The following RELCH variants were observed in gnomAD, a reference collection of about 807,000 sequenced individuals.
RELCH encodes RAB11-binding protein RELCH.
Under a neutral mutation model 150.3 loss-of-function variants are expected in RELCH, and 41 were observed. The observed-to-expected ratio is 0.27, with a 90% CI of 0.21 to 0.35. RELCH has a LOEUF of 0.35. Ranked by LOEUF, RELCH falls within the 10% of genes least tolerant of loss-of-function variation. The pLI is 1.00. For missense variants in RELCH, 1,092 were observed against 1,467.8 expected (o/e 0.74, Z 4.18); for synonymous variants, 478 against 531.8 (o/e 0.90, Z 1.39).
chr18:62,258,467 GT>G, intron 14 of RELCH, 44 bp from the exon 15 acceptor site: 1 of 1,509,152 alleles, frequency 6.6e-7, no homozygotes, highest in Non-Finnish European at 9.0e-7. Context: ...TTTATTTTAA[GT>G]TTATCCCTTT....
At chr18:62,277,484 T>C (rs1425140119) in intron 22 of RELCH, 1 of 538,670 alleles carries the variant, frequency 1.9e-6, no homozygotes, top group Admixed American at 6.4e-5. Context: ...ATAAGATTTA[T>C]TTTGATACTG....
chr18:62,211,297 A>C (rs763980262), intron 2 of RELCH, 55 bp downstream of exon 2: 21 of 1,108,866 alleles, frequency 1.9e-5, no homozygotes, highest in Non-Finnish European at 2.6e-5. Flanking sequence ...GAAATAATGA[A>C]ATGGCTTGAG....
intron 1 of RELCH, among the ~76,000 whole-genome samples, chr18:62,189,260 TTTTTTTTTTTTGTTG>T (rs1221180065): frequency 1.1e-5 from 1 of 92,590 alleles, no homozygotes; most frequent in East Asian, 3.5e-4. Flanking sequence ...TCTTTTTTTG[TTTTTTTTTTTTGTTG>T]TTTTTTTTTT....
chr18:62,296,541 A>C (rs4941124), intron 27 of RELCH, among the ~76,000 whole-genome samples: 1 of 151,746 alleles, frequency 6.6e-6, no homozygotes, highest in Non-Finnish European at 1.5e-5. Flanking sequence ...AGCCAAGATC[A>C]CGCCATTGCA....
rs1173518899 is a variant in RELCH at position 62,227,440 on chromosome 18, C to A, written c.1010C>A (p.Thr337Lys). The change falls in exon 6 of 29, where the codon ACA (threonine) becomes AAA (lysine). Residue 337 changes from threonine to lysine, a missense_variant. Physicochemically the swap from Thr to Lys is moderately conservative, Grantham distance 78. This residue lies in a region of RELCH where 57 missense variants were observed against 41.5 expected (regional missense o/e 1.37). Transcript: ENST00000644646. Reference sequence around the variant, plus strand: ...GAAGAAGATGAATTAGAGGCCCTTACACCAATTATAAGCAACCTTCCTCCA... The same window carrying A: ...GAAGAAGATGAATTAGAGGCCCTTAAACCAATTATAAGCAACCTTCCTCCA... Reference protein sequence around the residue: ...GVEEDELEALTPIISNLPPTL... With the variant: ...GVEEDELEALKPIISNLPPTL... 1.2e-6 allele frequency: 2 copies of A among 1,613,292 alleles called. No individual in the cohort carries two copies. The highest frequency in any genetic ancestry group is 1.3e-5 in the African/African-American group (1 of 74,936).
chr18:62,283,446 G>A (rs1246782984), intron 25 of RELCH, among the ~76,000 whole-genome samples: 1 of 152,150 alleles, frequency 6.6e-6, no homozygotes, highest in Non-Finnish European at 1.5e-5. Flanking sequence ...CACAAGTTGG[G>A]TCACTTAAAT....
chr18:62,278,601 C>A (rs1330576602), intron 22 of RELCH, among the ~76,000 whole-genome samples: 2 of 151,998 alleles, frequency 1.3e-5, no homozygotes, highest in African/African-American at 4.8e-5. Flanking sequence ...CATCTTTGAT[C>A]TTCTGTGAGG....
intron 10 of RELCH, chr18:62,235,455 T>C (rs568307340): frequency 2.0e-4 from 31 of 152,220 alleles, no homozygotes; most frequent in African/African-American, 7.2e-4. Context: ...CAGTTCCGCA[T>C]GAATTTGATG....
intron 1 of RELCH, among the ~76,000 whole-genome samples, chr18:62,199,827 ATGACTCTGGATAGTCTT>A (rs1227030390): frequency 1.3e-5 from 2 of 152,216 alleles, no homozygotes; most frequent in Non-Finnish European, 2.9e-5. Context: ...CCCTCATTGC[ATGACTCTGGATAGTCTT>A]TGTTTCCTTT....
intron 14 of RELCH, 143 bp downstream of exon 14, chr18:62,258,231 G>A (rs1022518424): frequency 5.0e-6 from 4 of 794,812 alleles, no homozygotes; most frequent in African/African-American, 1.8e-5. Flanking sequence ...ATGGCTGCCT[G>A]GTTTCAATTT....
At chr18:62,210,133 TC>T (rs1193783882) in intron 1 of RELCH, among the ~76,000 whole-genome samples, 1 of 152,204 alleles carries the variant, frequency 6.6e-6, no homozygotes, top group Non-Finnish European at 1.5e-5. Context: ...GTCATTCACA[TC>T]ATTGTTTCCC....
intron 1 of RELCH, among the ~76,000 whole-genome samples, chr18:62,208,644 T>A (rs1423908175): frequency 6.6e-6 from 1 of 152,158 alleles, no homozygotes; most frequent in African/African-American, 2.4e-5. Context: ...TTTTTTCTGC[T>A]CCTCTCCCTC....
chr18:62,228,285 C>CT lies in RELCH; in HGVS notation c.1155-18dup. 1 of 1,584,308 alleles carries CT rather than the reference C, an allele frequency of 6.3e-7. No individual in the cohort carries two copies. The highest frequency in any genetic ancestry group is 8.6e-7 in the Non-Finnish European group (1 of 1,166,104). On this transcript the variant is annotated intron_variant, in intron 7 of 28. Transcript: ENST00000644646. ...ATACAGTTGTCCTCTGGTGATTTCTCTTAATTTCTCTTTCTACAGTGAAAT... is the reference window on the plus strand; with the variant it reads ...ATACAGTTGTCCTCTGGTGATTTCTCTTTAATTTCTCTTTCTACAGTGAAAT...
chr18:62,192,613 C>T (rs1172903248), intron 1 of RELCH, among the ~76,000 whole-genome samples: 1 of 152,176 alleles, frequency 6.6e-6, no homozygotes, highest in Non-Finnish European at 1.5e-5. Context: ...TATGGCTAGC[C>T]AGTTCTCCCA....
At chr18:62,295,763 G>C (rs1049756898) in intron 27 of RELCH, among the ~76,000 whole-genome samples, 1 of 152,050 alleles carries the variant, frequency 6.6e-6, no homozygotes, top group Non-Finnish European at 1.5e-5. Flanking sequence ...AGTAGAGACA[G>C]GGTTTTGCCA....
intron 22 of RELCH, among the ~76,000 whole-genome samples, chr18:62,278,193 C>G (rs554732724): frequency 1.3e-5 from 2 of 152,164 alleles, no homozygotes; most frequent in African/African-American, 4.8e-5. Context: ...TCTACATTAC[C>G]TCTTTTTTAA....
At chr18:62,235,838 A>T (rs1018463577) in intron 10 of RELCH, among the ~76,000 whole-genome samples, 1 of 151,988 alleles carries the variant, frequency 6.6e-6, no homozygotes, top group Non-Finnish European at 1.5e-5. Flanking sequence ...TATTAACTCT[A>T]ATCATTTTTT....
intron 25 of RELCH, among the ~76,000 whole-genome samples, chr18:62,283,638 A>C (rs9320007): frequency 0.33 from 49,738 of 151,896 alleles, 8,319 homozygotes; most frequent in Middle Eastern, 0.42. Flanking sequence ...CAGTCATGAC[A>C]TTTTTTTTCA....
intron 1 of RELCH, among the ~76,000 whole-genome samples, chr18:62,193,752 GGCT>G (rs2038820424): frequency 6.6e-6 from 1 of 152,112 alleles, no homozygotes; most frequent in Admixed American, 6.5e-5. Context: ...ACGTGCTGCT[GGCT>G]TCGATTTGCC....
Sources: gnomAD v4.1 joint callset for allele counts (sites outside exome capture counted in the v4.1 genomes callset) on GRCh38, gnomAD v4.1.1 for gene constraint, gnomAD v4.1.1 regional missense constraint, MANE v1.5 for transcripts, NCBI Gene and HGNC (gene_info 2026-07-23, HGNC 2026-07-21) for gene names.